RANBP2: variants seen among roughly 807,000 people sequenced by gnomAD.
RANBP2 encodes the protein RAN binding protein 2.
RANBP2 carries 57 observed loss-of-function variants against 303.6 expected under a neutral mutation model. The ratio of observed to expected loss-of-function variants is 0.19; its 90% confidence interval spans 0.15 to 0.23. RANBP2 has a LOEUF of 0.23. Ranked by LOEUF, RANBP2 falls within the 10% of genes least tolerant of loss-of-function variation. The pLI, the probability that RANBP2 is intolerant of heterozygous loss-of-function variation, is 1.00. For missense variants in RANBP2, 3,138 were observed against 3,780.8 expected, an observed-to-expected ratio of 0.83 and a Z score of 4.46; for synonymous variants, 1,167 against 1,301.5, an observed-to-expected ratio of 0.90 and a Z score of 2.23.
chr2:108,916,661 G>A, the RANBP2 span, among the ~76,000 whole-genome samples: 1 of 152,182 alleles, frequency 6.6e-6, no homozygotes, highest in African/African-American at 2.4e-5. Context: ...AGGGATCCCT[G>A]AGTTGGTGAG....
the RANBP2 span, among the ~76,000 whole-genome samples, chr2:109,488,345 A>G: frequency 1.3e-5 from 2 of 152,152 alleles, no homozygotes; most frequent in African/African-American, 4.8e-5. Context: ...AGACATTGCC[A>G]CCTGTCCCCT....
chr2:109,011,985 A>G, the RANBP2 span, among the ~76,000 whole-genome samples: 3 of 152,098 alleles, frequency 2.0e-5, no homozygotes, highest in Middle Eastern at 3.2e-3. Flanking sequence ...GAGGACACTA[A>G]TGCCAGTGTG....
chr2:108,934,074 G>A, the RANBP2 span, among the ~76,000 whole-genome samples: 34 of 152,306 alleles, frequency 2.2e-4, no homozygotes, highest in South Asian at 2.1e-3. Context: ...TGGGCCTGCC[G>A]CACCTTAGTG....
intron 20 of RANBP2, among the ~76,000 whole-genome samples, chr2:108,770,021 ATACGGTC>A (rs1677388024): frequency 6.6e-6 from 1 of 152,198 alleles, no homozygotes; most frequent in Admixed American, 6.5e-5. Context: ...ATTTTTAAAG[ATACGGTC>A]TTTGAGAAAT....
At chr2:109,437,890 C>T in the RANBP2 span, among the ~76,000 whole-genome samples, 2 of 152,154 alleles carry the variant, frequency 1.3e-5, no homozygotes, top group Non-Finnish European at 2.9e-5. Context: ...CATGCCACGG[C>T]GTCTTCCACC....
the RANBP2 span, among the ~76,000 whole-genome samples, chr2:108,791,061 C>A: frequency 6.6e-6 from 1 of 152,064 alleles, no homozygotes; most frequent in Admixed American, 6.5e-5. Context: ...CATGCCTGTT[C>A]TATCCTAATA....
the RANBP2 span, among the ~76,000 whole-genome samples, chr2:109,111,476 C>CTCCA: frequency 1.3e-5 from 2 of 151,742 alleles, no homozygotes; most frequent in Non-Finnish European, 2.9e-5. Context: ...TCAATCTGAA[C>CTCCA]TCTATACTCT....
the RANBP2 span, among the ~76,000 whole-genome samples, chr2:109,135,474 A>G: frequency 6.6e-6 from 1 of 152,194 alleles, no homozygotes; most frequent in South Asian, 2.1e-4. Context: ...GATAAATAGG[A>G]TAACGTATGT....
At chr2:108,733,005 G>T (rs1695296018) in intron 4 of RANBP2, among the ~76,000 whole-genome samples, 1 of 152,080 alleles carries the variant, frequency 6.6e-6, no homozygotes, top group Admixed American at 6.6e-5. Context: ...TGTATTTTTA[G>T]TAGAAACGGG....
At chr2:108,968,858 T>C in the RANBP2 span, among the ~76,000 whole-genome samples, 1 of 152,236 alleles carries the variant, frequency 6.6e-6, no homozygotes, top group Non-Finnish European at 1.5e-5. Context: ...TGCTATGCAC[T>C]ATTTGGCCAA....
chr2:109,520,997 A>AG, the RANBP2 span, among the ~76,000 whole-genome samples: 4 of 151,342 alleles, frequency 2.6e-5, no homozygotes, highest in Non-Finnish European at 2.9e-5. Context: ...TGATAGGCCG[A>AG]GGCGGGCAGA....
the RANBP2 span, among the ~76,000 whole-genome samples, chr2:108,961,861 T>C: frequency 6.6e-6 from 1 of 152,108 alleles, no homozygotes; most frequent in East Asian, 1.9e-4. Context: ...GTGCTGGAAA[T>C]GAATGGAAGC....
chr2:109,067,089 A>G, the RANBP2 span, among the ~76,000 whole-genome samples: 1 of 152,118 alleles, frequency 6.6e-6, no homozygotes, highest in Non-Finnish European at 1.5e-5. Context: ...AAGAAAGAAA[A>G]AAAAAAACAA....
At chr2:109,344,655 A>T in the RANBP2 span, among the ~76,000 whole-genome samples, 1 of 152,186 alleles carries the variant, frequency 6.6e-6, no homozygotes, top group African/African-American at 2.4e-5. Flanking sequence ...AGGAGAGATG[A>T]CAGGCAAGGC....
chr2:109,293,566 G>A, the RANBP2 span, among the ~76,000 whole-genome samples: 1 of 152,222 alleles, frequency 6.6e-6, no homozygotes, highest in African/African-American at 2.4e-5. Flanking sequence ...AGAAAACAAA[G>A]GGTGTGAAGC....
chr2:109,251,268 G>T, the RANBP2 span, among the ~76,000 whole-genome samples: 1 of 152,150 alleles, frequency 6.6e-6, no homozygotes, highest in South Asian at 2.1e-4. Context: ...CTCCCAAAGT[G>T]CTGGGATTAA....
chr2:109,131,833 T>G, the RANBP2 span, among the ~76,000 whole-genome samples: 1 of 152,194 alleles, frequency 6.6e-6, no homozygotes, highest in Non-Finnish European at 1.5e-5. Context: ...CTTTTTGTGT[T>G]TTTGGGATGT....
chr2:109,037,308 A>C, the RANBP2 span, among the ~76,000 whole-genome samples: 1 of 146,218 alleles, frequency 6.8e-6, no homozygotes, highest in Non-Finnish European at 1.5e-5. Context: ...TGGGTGACAG[A>C]GCAAGACCAT....
chr2:109,283,545 G>A, the RANBP2 span, among the ~76,000 whole-genome samples: 5 of 152,128 alleles, frequency 3.3e-5, no homozygotes, highest in East Asian at 1.9e-4. Context: ...ACCCAGGGCC[G>A]AGGTAAGATC....
Sources: gnomAD v4.1 joint callset for allele counts (sites outside exome capture counted in the v4.1 genomes callset) on GRCh38, gnomAD v4.1.1 for gene constraint, MANE v1.5 for transcripts, NCBI Gene and HGNC (gene_info 2026-07-23, HGNC 2026-07-21) for gene names.